SERPINI1: variants seen among roughly 807,000 people sequenced by gnomAD.
The protein encoded by SERPINI1 is serpin family I member 1, also known as neuroserpin.
Under a neutral mutation model 41.1 loss-of-function variants are expected in SERPINI1, and 19 were observed. The observed-to-expected ratio is 0.46, with a 90% CI of 0.32 to 0.68. The LOEUF (loss-of-function observed/expected upper bound fraction) is 0.68. SERPINI1 is among the 30% of genes least tolerant of loss of function. The pLI is 0.03. For missense variants in SERPINI1, 460 were observed against 479.2 expected, an observed-to-expected ratio of 0.96 and a Z score of 0.37; for synonymous variants, 138 against 156.6, an observed-to-expected ratio of 0.88 and a Z score of 0.89.
At chr3:167,743,397 G>A (rs954106978) in intron 1 of SERPINI1, among the ~76,000 whole-genome samples, 1 of 152,152 alleles carries the variant, frequency 6.6e-6, no homozygotes, top group African/African-American at 2.4e-5. Flanking sequence ...GAAAGTCTGA[G>A]AAGAAAATTG....
chr3:167,806,667 A>C (rs1261729877), intron 5 of SERPINI1, among the ~76,000 whole-genome samples: 2 of 152,042 alleles, frequency 1.3e-5, no homozygotes, highest in Admixed American at 1.3e-4. Flanking sequence ...GCTTTCTCTG[A>C]GTTGTAGGGA....
chr3:167,764,867 T>C (rs1726509190), intron 1 of SERPINI1, among the ~76,000 whole-genome samples: 1 of 152,174 alleles, frequency 6.6e-6, no homozygotes, highest in East Asian at 1.9e-4. Flanking sequence ...AAAGGAACCA[T>C]GCAAGTCTGA....
intron 6 of SERPINI1, among the ~76,000 whole-genome samples, chr3:167,818,323 C>G (rs536595948): frequency 6.6e-6 from 1 of 152,042 alleles, no homozygotes; most frequent in Non-Finnish European, 1.5e-5. Context: ...CCACCGCGCC[C>G]GGCCAAATAT....
chr3:167,736,953 C>T (rs192362963), intron 1 of SERPINI1, among the ~76,000 whole-genome samples: 1 of 152,078 alleles, frequency 6.6e-6, no homozygotes, highest in African/African-American at 2.4e-5. Flanking sequence ...AAATTTTGCT[C>T]TGAAATGCTT....
In SERPINI1 at chr3:167,823,531, T is replaced by C. The variant is rs551787165; in HGVS notation, c.1066+459T>C. On this transcript the variant is annotated intron_variant, in intron 7 of 8. Transcript: ENST00000446050. ...ATATGGGATATTTTTGATACAGGTA[T>C]GTAATGCATAATAATGACATCAGGG... Among the ~76,000 whole-genome samples, 4 of 152,326 alleles carry C rather than the reference T, an allele frequency of 2.6e-5. No homozygotes were observed. In the East Asian group the frequency reaches 7.7e-4, roughly 29 times the overall value.
At chr3:167,776,841 T>C (rs1382087689) in intron 1 of SERPINI1, among the ~76,000 whole-genome samples, 2 of 152,260 alleles carry the variant, frequency 1.3e-5, no homozygotes, top group East Asian at 3.8e-4. Context: ...GCACAGAAAG[T>C]TGTGTTAGAC....
chr3:167,800,856 G>T (rs1209852633), intron 5 of SERPINI1, among the ~76,000 whole-genome samples: 2 of 151,200 alleles, frequency 1.3e-5, no homozygotes, highest in Admixed American at 6.6e-5. Context: ...ACCCAGGCTG[G>T]AATGCAATGG....
intron 1 of SERPINI1, among the ~76,000 whole-genome samples, chr3:167,749,716 AT>A (rs1725983982): frequency 6.6e-6 from 1 of 152,228 alleles, no homozygotes; most frequent in South Asian, 2.1e-4. Flanking sequence ...AATTCACCTT[AT>A]TTATCCATTA....
intron 6 of SERPINI1, among the ~76,000 whole-genome samples, chr3:167,812,539 C>A (rs1183451273): frequency 6.6e-6 from 1 of 152,168 alleles, no homozygotes; most frequent in East Asian, 1.9e-4. Flanking sequence ...ATACCTTGTG[C>A]CTTTCTTTAT....
At chr3:167,742,087 G>GA (rs1725698798) in intron 1 of SERPINI1, among the ~76,000 whole-genome samples, 1 of 151,668 alleles carries the variant, frequency 6.6e-6, no homozygotes, top group Admixed American at 6.6e-5. Context: ...AATAAATAAG[G>GA]AAAAAAATTT....
At chr3:167,824,683 T>G (rs1712455663) in intron 8 of SERPINI1, 121 bp downstream of exon 8, 1 of 643,636 alleles carries the variant, frequency 1.6e-6, no homozygotes, top group Non-Finnish European at 2.7e-6. Context: ...ATTTATTTAT[T>G]CTCTTTCCAG....
chr3:167,785,639 A>G (rs1727280151), intron 1 of SERPINI1, among the ~76,000 whole-genome samples: 1 of 152,224 alleles, frequency 6.6e-6, no homozygotes, highest in Non-Finnish European at 1.5e-5. Context: ...TAAATAAGAT[A>G]GTTGTTTTAA....
intron 5 of SERPINI1, among the ~76,000 whole-genome samples, chr3:167,796,602 G>A (rs987123974): frequency 3.9e-5 from 6 of 152,118 alleles, no homozygotes; most frequent in Admixed American, 3.3e-4. Context: ...GTGAGAACAT[G>A]CACTGTTTGG....
At chr3:167,763,675 C>A (rs1726462073) in intron 1 of SERPINI1, among the ~76,000 whole-genome samples, 1 of 152,128 alleles carries the variant, frequency 6.6e-6, no homozygotes, top group Non-Finnish European at 1.5e-5. Context: ...GTGTGTCTAA[C>A]AATCACCTGA....
At chr3:167,755,880 T>C (rs1238711998) in intron 1 of SERPINI1, among the ~76,000 whole-genome samples, 6 of 150,616 alleles carry the variant, frequency 4.0e-5, no homozygotes, top group Non-Finnish European at 7.4e-5. Context: ...GACACTGATA[T>C]TCAGTGAAAG....
At chr3:167,792,504 A>G (rs1727561441) in intron 3 of SERPINI1, 86 bp from the exon 4 acceptor site, 2 of 1,102,918 alleles carry the variant, frequency 1.8e-6, no homozygotes, top group Non-Finnish European at 2.7e-6. Context: ...GGACCACTCT[A>G]TCAGATGGTG....
chr3:167,789,854 G>A (rs185697893), intron 2 of SERPINI1, among the ~76,000 whole-genome samples: 208 of 152,156 alleles, frequency 1.4e-3, no homozygotes, highest in African/African-American at 4.7e-3. Flanking sequence ...TGTATTGGGG[G>A]AAATTTCTAG....
At chr3:167,808,160 A>ATAAATAAATAAG (rs1388112579) in intron 6 of SERPINI1, among the ~76,000 whole-genome samples, 41 of 151,564 alleles carry the variant, frequency 2.7e-4, no homozygotes, top group African/African-American at 9.9e-4. Flanking sequence ...AAATAAATAA[A>ATAAATAAATAAG]TAGTGGTTTT....
intron 1 of SERPINI1, among the ~76,000 whole-genome samples, chr3:167,772,862 CTCTATATATATATATATA>C: frequency 8.5e-5 from 2 of 23,656 alleles, no homozygotes; most frequent in East Asian, 4.8e-3. Context: ...CTCTCTCTCT[CTCTATATATATATATATA>C]TATATATATA....
Sources: allele counts gnomAD v4.1 joint callset (sites outside exome capture counted in the v4.1 genomes callset), GRCh38; gene constraint gnomAD v4.1.1; transcripts MANE v1.5; gene names NCBI Gene and HGNC (gene_info 2026-07-23, HGNC 2026-07-21).